The following GPR158 variants were observed in gnomAD, a reference collection of about 807,000 sequenced individuals.
The protein encoded by GPR158 is G protein-coupled receptor 158, also known as metabotropic glycine receptor.
GPR158 carries 30 observed loss-of-function variants against 78.2 expected under a neutral mutation model. That is an observed-to-expected ratio of 0.38 (90% CI 0.29 to 0.52). GPR158 has a LOEUF of 0.52. GPR158 is among the 20% of genes least tolerant of loss of function. GPR158 has a pLI of 0.83. For missense variants in GPR158, 1,463 were observed against 1,523.5 expected (o/e 0.96, Z 0.66); for synonymous variants, 581 against 591.1 (o/e 0.98, Z 0.25).
chr10:25,524,508 ATAAGCATG>A (rs1235870139), intron 5 of GPR158, among the ~76,000 whole-genome samples: 1 of 152,202 alleles, frequency 6.6e-6, no homozygotes, highest in Non-Finnish European at 1.5e-5. Context: ...TGGTCAATTG[ATAAGCATG>A]TGAAGAATGT....
intron 2 of GPR158, among the ~76,000 whole-genome samples, chr10:25,364,558 C>G (rs575968134): frequency 6.6e-6 from 1 of 151,874 alleles, no homozygotes; most frequent in African/African-American, 2.4e-5. Flanking sequence ...AATGCTAATG[C>G]TGATTACTCC....
chr10:25,541,681 A>G (rs755362884), intron 5 of GPR158, among the ~76,000 whole-genome samples: 6 of 151,918 alleles, frequency 3.9e-5, no homozygotes, highest in Non-Finnish European at 8.8e-5. Context: ...ATGTGCTTCA[A>G]TGAACGTGGC....
intron 4 of GPR158, among the ~76,000 whole-genome samples, chr10:25,452,751 A>G (rs912858873): frequency 3.3e-5 from 5 of 152,218 alleles, no homozygotes; most frequent in Admixed American, 6.5e-5. Flanking sequence ...TAAGGATATG[A>G]TATACATTGC....
intron 1 of GPR158, among the ~76,000 whole-genome samples, chr10:25,201,258 T>C (rs1346729718): frequency 6.6e-6 from 1 of 152,176 alleles, no homozygotes; most frequent in African/African-American, 2.4e-5. Context: ...TTATTCTTTT[T>C]GTGGGAATTG....
chr10:25,464,726 C>G (rs961617829), intron 4 of GPR158, among the ~76,000 whole-genome samples: 4 of 152,128 alleles, frequency 2.6e-5, no homozygotes, highest in Non-Finnish European at 4.4e-5. Context: ...TTCAGCCAAC[C>G]AATAGCATAC....
chr10:25,585,368 T>C (rs1423999589), intron 7 of GPR158, among the ~76,000 whole-genome samples: 1 of 152,180 alleles, frequency 6.6e-6, no homozygotes, highest in Non-Finnish European at 1.5e-5. Flanking sequence ...AGAAAAAAAC[T>C]GAAAAACTCA....
chr10:25,276,966 A>G (rs1441456498), intron 2 of GPR158, among the ~76,000 whole-genome samples: 2 of 149,018 alleles, frequency 1.3e-5, no homozygotes, highest in Non-Finnish European at 3.0e-5. Context: ...TTTTTTTTAT[A>G]ATAGACAGGG....
At chr10:25,456,865 A>T (rs1442461471) in intron 4 of GPR158, among the ~76,000 whole-genome samples, 1 of 152,196 alleles carries the variant, frequency 6.6e-6, no homozygotes, top group Non-Finnish European at 1.5e-5. Context: ...TTCTCTCAAT[A>T]GTGTCACATT....
At chr10:25,310,902 G>A (rs975692158) in intron 2 of GPR158, among the ~76,000 whole-genome samples, 15 of 151,862 alleles carry the variant, frequency 9.9e-5, no homozygotes, top group Admixed American at 5.3e-4. Flanking sequence ...TTGAGTTATG[G>A]ATCTGATTTT....
chr10:25,457,573 C>T (rs1056775291), intron 4 of GPR158, among the ~76,000 whole-genome samples: 7 of 152,000 alleles, frequency 4.6e-5, no homozygotes, highest in Admixed American at 2.0e-4. Context: ...CATATTTTTA[C>T]GGTGAAGCCA....
At chr10:25,244,842 A>T (rs762471234) in intron 2 of GPR158, 4 of 147,654 alleles carry the variant, frequency 2.7e-5, no homozygotes, top group African/African-American at 5.3e-5. Flanking sequence ...TGTATCCTAG[A>T]CTTTTTTTTT....
intron 2 of GPR158, among the ~76,000 whole-genome samples, chr10:25,222,861 G>A (rs1019386070): frequency 7.2e-5 from 11 of 152,172 alleles, no homozygotes; most frequent in Admixed American, 5.2e-4. Context: ...TAGAAACAAG[G>A]AGATACTTAC....
chr10:25,180,556 A>G (rs1212871902), intron 1 of GPR158, among the ~76,000 whole-genome samples: 1 of 152,226 alleles, frequency 6.6e-6, no homozygotes, highest in African/African-American at 2.4e-5. Flanking sequence ...TTTTTGGGCC[A>G]ACAATGCAAC....
chr10:25,247,317 C>CT (rs547318746), intron 2 of GPR158, among the ~76,000 whole-genome samples: 2,322 of 140,546 alleles, frequency 0.017, 36 homozygotes, highest in African/African-American at 0.045. Flanking sequence ...TTTTTTTTTT[C>CT]TTTTTTTTTT....
chr10:25,505,908 A>G (rs970550868), intron 5 of GPR158, among the ~76,000 whole-genome samples: 2 of 152,142 alleles, frequency 1.3e-5, no homozygotes, highest in African/African-American at 2.4e-5. Flanking sequence ...ATGTCCTTCT[A>G]CCAGTACACG....
chr10:25,308,311 C>T (rs965223252), intron 2 of GPR158, among the ~76,000 whole-genome samples: 3 of 152,042 alleles, frequency 2.0e-5, no homozygotes, highest in Non-Finnish European at 2.9e-5. Context: ...TCAAACCTAC[C>T]ACCCGACAGG....
At chr10:25,479,543 T>G (rs1300852066) in intron 5 of GPR158, among the ~76,000 whole-genome samples, 2 of 152,014 alleles carry the variant, frequency 1.3e-5, no homozygotes, top group East Asian at 3.9e-4. Flanking sequence ...GCCTCCCAAG[T>G]AGCTGGGATT....
intron 4 of GPR158, among the ~76,000 whole-genome samples, chr10:25,425,894 T>C (rs1834813892): frequency 6.6e-6 from 1 of 152,100 alleles, no homozygotes; most frequent in African/African-American, 2.4e-5. Flanking sequence ...TTGTGCTCTA[T>C]TTCACTCCTT....
intron 2 of GPR158, among the ~76,000 whole-genome samples, chr10:25,375,474 T>TC (rs1834065322): frequency 6.6e-6 from 1 of 151,668 alleles, no homozygotes; most frequent in Non-Finnish European, 1.5e-5. Context: ...CTCTTTTTTT[T>TC]CTACAATTCT....
Sources: allele counts gnomAD v4.1 joint callset (sites outside exome capture counted in the v4.1 genomes callset), GRCh38; gene constraint gnomAD v4.1.1; transcripts MANE v1.5; gene names NCBI Gene and HGNC (gene_info 2026-07-23, HGNC 2026-07-21).